Variants in LAMP3 observed in about 807,000 individuals in gnomAD.
LAMP3 encodes lysosome-associated membrane glycoprotein 3.
In LAMP3, 26 loss-of-function variants were observed where a neutral mutation model predicts 34.8. The observed-to-expected ratio is 0.75, with a 90% CI of 0.55 to 1.04. The LOEUF (loss-of-function observed/expected upper bound fraction) is 1.04. LAMP3 is among the 50% of genes least tolerant of loss of function. The pLI, the probability that LAMP3 is intolerant of heterozygous loss-of-function variation, is 0.00. For missense variants in LAMP3, 495 were observed against 524.0 expected (o/e 0.94, Z 0.54); for synonymous variants, 180 against 201.9 (o/e 0.89, Z 0.92).
chr3:183,123,997 T>G lies in LAMP3; in HGVS notation c.*84A>C, dbSNP rs1719724675. 2.7e-6 allele frequency: 4 copies of G among 1,495,272 alleles called. No homozygotes were observed. The highest frequency in any genetic ancestry group is 3.7e-6 in the Non-Finnish European group (4 of 1,077,274). The allele number at this position is 1,495,272 out of a possible 1,614,324, so 92.6% of individuals were successfully genotyped here. On this transcript the variant is annotated 3_prime_UTR_variant, in exon 6 of 6. Transcript: ENST00000265598. ...TTTACATTGTTTGAAGGACCCACAC[T>G]CTGAGGGAATTTCCCAACATCCATC...
At chr3:183,132,770 G>A (rs1719965537) in intron 5 of LAMP3, 1 of 985,404 alleles carries the variant, frequency 1.0e-6, no homozygotes, top group Non-Finnish European at 1.2e-6. Context: ...ATATGATGCT[G>A]GAATTCCCAA....
intron 2 of LAMP3, among the ~76,000 whole-genome samples, chr3:183,153,214 G>A (rs1268973891): frequency 2.7e-5 from 4 of 150,096 alleles, no homozygotes; most frequent in Admixed American, 6.6e-5. Context: ...TTGTTTTAGT[G>A]ATTCCTTTAG....
At chr3:183,127,727 C>G (rs1011578674) in intron 5 of LAMP3, among the ~76,000 whole-genome samples, 1 of 152,156 alleles carries the variant, frequency 6.6e-6, no homozygotes, top group Non-Finnish European at 1.5e-5. Flanking sequence ...GTGTGAACAA[C>G]GTTTTGGTTG....
At chr3:183,125,067 G>A (rs111974528) in intron 5 of LAMP3, among the ~76,000 whole-genome samples, 71 of 152,174 alleles carry the variant, frequency 4.7e-4, no homozygotes, top group African/African-American at 1.5e-3. Flanking sequence ...ATTAGAAAAC[G>A]CTTACTCAAT....
Position 183,132,610 on chromosome 3 carries a change from G to T in LAMP3, c.1117+3107C>A, listed in dbSNP as rs181542966. 1,005 of 985,318 alleles carry T rather than the reference G, an allele frequency of 1.0e-3. 2 individuals are homozygous for T. Among genetic ancestry groups the T allele is most frequent in the Non-Finnish European group, 1.2e-3 (970 of 829,910 alleles). The allele number at this position is 985,318 out of a possible 1,614,324, so 61.0% of individuals were successfully genotyped here. ...ATGGCAGAGGGCATCAAGCACACCT[G>T]GCATGGCCTCCCCAAAGCAACAGGA... On this transcript the variant is annotated intron_variant, in intron 5 of 5. Transcript: ENST00000265598.
chr3:183,154,251 A>AAGTT lies in LAMP3; in HGVS notation c.186_189dup (p.Leu64AsnfsTer60). 1 of 1,614,098 alleles carries AAGTT rather than the reference A, an allele frequency of 6.2e-7. No individual in the cohort carries two copies. The highest frequency in any genetic ancestry group is 8.5e-7 in the Non-Finnish European group (1 of 1,180,018). ...TGACCATCCATGAATCTTGCTGCTA[A>AAGTT]AGTTTGGTGAGGTGCTTGCTTAGCT... is the stretch of plus-strand genomic sequence containing the variant. On this transcript the variant is annotated frameshift_variant, in exon 2 of 6. Coordinates refer to ENST00000265598, the MANE Select transcript of LAMP3 (RefSeq NM_014398.4). LOFTEE classifies it high-confidence loss of function.
At chr3:183,161,896 G>C (rs964066721) in intron 1 of LAMP3, 1 of 914,190 alleles carries the variant, frequency 1.1e-6, no homozygotes, top group African/African-American at 1.8e-5. Context: ...GCCTAGGCAA[G>C]GGCAGCTGGC....
At chr3:183,135,975 T>C (rs1397426944) in intron 4 of LAMP3, 88 bp from the exon 5 acceptor site, 1 of 1,023,336 alleles carries the variant, frequency 9.8e-7, no homozygotes. Context: ...CACAGCTAAA[T>C]GGCCTTCCTT....
At chr3:183,158,531 C>G (rs1032368762) in intron 1 of LAMP3, among the ~76,000 whole-genome samples, 1 of 121,208 alleles carries the variant, frequency 8.3e-6, no homozygotes, top group African/African-American at 3.1e-5. Context: ...ACTTGGCAAA[C>G]AAGCACCCCA....
chr3:183,127,046 A>G (rs1304693797), intron 5 of LAMP3, among the ~76,000 whole-genome samples: 1 of 152,222 alleles, frequency 6.6e-6, no homozygotes, highest in Non-Finnish European at 1.5e-5. Context: ...GTGTTTACTA[A>G]ACTTCGTTTC....
intron 3 of LAMP3, among the ~76,000 whole-genome samples, chr3:183,150,677 C>T (rs1176285714): frequency 6.7e-6 from 1 of 149,982 alleles, no homozygotes; most frequent in Non-Finnish European, 1.5e-5. Context: ...CCACCTTAGC[C>T]TCCTGAGTAG....
chr3:183,132,719 AACAGGCAACGAG>A (rs1719963177), intron 5 of LAMP3: 1 of 985,464 alleles, frequency 1.0e-6, no homozygotes, highest in South Asian at 4.7e-5. Flanking sequence ...AGGAGGGTGC[AACAGGCAACGAG>A]ACAGGTCAAT....
chr3:183,155,918 C>T (rs1478602141), intron 1 of LAMP3, among the ~76,000 whole-genome samples: 1 of 152,192 alleles, frequency 6.6e-6, no homozygotes, highest in Non-Finnish European at 1.5e-5. Context: ...TCTTCATGGA[C>T]CATTAAGCAC....
At chr3:183,129,768 T>C (rs1347732545) in intron 5 of LAMP3, among the ~76,000 whole-genome samples, 1 of 152,238 alleles carries the variant, frequency 6.6e-6, no homozygotes, top group Admixed American at 6.5e-5. Context: ...CTTTCTGTTA[T>C]GGACTAAATT....
intron 3 of LAMP3, among the ~76,000 whole-genome samples, chr3:183,146,743 G>A (rs1156442792): frequency 6.6e-6 from 1 of 151,804 alleles, no homozygotes; most frequent in Non-Finnish European, 1.5e-5. Flanking sequence ...GGCCAGGCTG[G>A]TCTTGAACTC....
Position 183,153,708 on chromosome 3 carries a change from G to A in LAMP3, c.733C>T (p.Gln245Ter). The A allele has an allele frequency of 6.6e-7, 1 of 1,524,928 alleles. No homozygotes were observed. Among genetic ancestry groups the A allele is most frequent in the South Asian group, 1.3e-5 (1 of 75,654 alleles). 94.5% of individuals were successfully genotyped at this position (1,524,928 alleles called of 1,614,324 possible). A position where few individuals can be genotyped will look rare whatever the true frequency, so the allele number is the denominator to read the frequency against. ...GACTCCTTGTCTTGAACAATCAGCT[G>A]TATCCCCATCTCTGCTTTTATACAG... ...RLCIKAEMGI[Q>*]LIVQDKESVF... The change falls in exon 2 of 6, where the codon CAG (glutamine) becomes TAG (stop). Residue 245 changes from glutamine (Q) to a stop codon, truncating the protein, a stop_gained. Coordinates refer to ENST00000265598, the MANE Select transcript of LAMP3 (RefSeq NM_014398.4). LOFTEE classifies it high-confidence loss of function.
intron 5 of LAMP3, chr3:183,132,492 C>T (rs1719955268): frequency 2.0e-6 from 2 of 984,706 alleles, no homozygotes; most frequent in Non-Finnish European, 2.4e-6. Flanking sequence ...AATTCTCCCT[C>T]CGGGTTTTCG....
chr3:183,124,820 G>A (rs746854609), intron 5 of LAMP3, among the ~76,000 whole-genome samples: 5 of 152,050 alleles, frequency 3.3e-5, no homozygotes, highest in Non-Finnish European at 5.9e-5. Flanking sequence ...CAACAAGAGC[G>A]AAACTCCATC....
intron 1 of LAMP3, among the ~76,000 whole-genome samples, chr3:183,155,753 T>C (rs1209763999): frequency 1.3e-5 from 2 of 152,256 alleles, no homozygotes; most frequent in African/African-American, 4.8e-5. Flanking sequence ...AGGTGGAAAC[T>C]GTGTGTACCA....
Sources: allele counts gnomAD v4.1 joint callset (sites outside exome capture counted in the v4.1 genomes callset), GRCh38; gene constraint gnomAD v4.1.1; transcripts MANE v1.5; gene names NCBI Gene and HGNC (gene_info 2026-07-23, HGNC 2026-07-21).